RAB6B: variants seen among roughly 807,000 people sequenced by gnomAD.
The protein encoded by RAB6B is RAB6B, member RAS oncogene family.
In RAB6B, 7 loss-of-function variants were observed where a neutral mutation model predicts 31.2. The ratio of observed to expected loss-of-function variants is 0.22; its 90% CI spans 0.13 to 0.42. The LOEUF (loss-of-function observed/expected upper bound fraction) is 0.42. Ranked by LOEUF, RAB6B falls within the 10% of genes least tolerant of loss-of-function variation. The pLI is 1.00. For missense variants in RAB6B, 149 were observed against 280.6 expected (o/e 0.53, Z 3.35); for synonymous variants, 105 against 104.9 (o/e 1.00, Z -0.01).
chr3:133,857,860 T>C (rs1284735782), intron 2 of RAB6B, among the ~76,000 whole-genome samples: 1 of 152,172 alleles, frequency 6.6e-6, no homozygotes, highest in Non-Finnish European at 1.5e-5. Context: ...AGACACACTG[T>C]TCGTTGGCCC....
At chr3:133,834,476 G>A in intron 7 of RAB6B, 99 bp downstream of exon 7, 1 of 1,319,154 alleles carries the variant, frequency 7.6e-7, no homozygotes, top group Non-Finnish European at 1.1e-6. Flanking sequence ...GGGAAGGCTG[G>A]GCGGGGACTG....
chr3:133,882,431 AG>A (rs780467160), intron 1 of RAB6B, among the ~76,000 whole-genome samples: 12 of 152,188 alleles, frequency 7.9e-5, no homozygotes, highest in Non-Finnish European at 1.8e-4. Context: ...GGGTCACCTT[AG>A]GTTGTGTCTA....
chr3:133,834,487 G>A (rs901542927), intron 7 of RAB6B, 88 bp downstream of exon 7: 7 of 1,407,470 alleles, frequency 5.0e-6, no homozygotes, highest in Non-Finnish European at 7.0e-6. Context: ...GCGGGGACTG[G>A]GCGAGTGTCT....
intron 1 of RAB6B, among the ~76,000 whole-genome samples, chr3:133,884,176 C>T (rs961463203): frequency 6.6e-6 from 1 of 152,212 alleles, no homozygotes; most frequent in Non-Finnish European, 1.5e-5. Flanking sequence ...CAAAGGAATA[C>T]CAAGGTGGTG....
intron 1 of RAB6B, among the ~76,000 whole-genome samples, chr3:133,872,042 C>T (rs1480648747): frequency 1.3e-5 from 2 of 152,192 alleles, no homozygotes; most frequent in African/African-American, 4.8e-5. Context: ...CTGCCCACCT[C>T]TCAGATGCCT....
intron 1 of RAB6B, among the ~76,000 whole-genome samples, chr3:133,879,876 T>C (rs553525666): frequency 6.6e-6 from 1 of 152,298 alleles, no homozygotes; most frequent in South Asian, 2.1e-4. Context: ...TTCTCATAGC[T>C]CAGAGAACAA....
rs75876017 is a variant in RAB6B at position 133,825,008 on chromosome 3, A to G, written c.*3780T>C. ...AAAAGTTGTGACAGCTCTGCTTCAC[A>G]TAGCTGTAACAAGGTGACAATGCCT... On this transcript the variant is annotated 3_prime_UTR_variant, in exon 8 of 8. Coordinates refer to ENST00000285208, the MANE Select transcript of RAB6B (RefSeq NM_016577.4). 2.6e-5 allele frequency: 4 copies of G among 152,196 alleles called. No individual in the cohort carries two copies. Among genetic ancestry groups the G allele is most frequent in the Non-Finnish European group, 5.9e-5 (4 of 68,028 alleles). 9.4% of individuals were successfully genotyped at this position (152,196 alleles called of 1,614,324 possible).
intron 1 of RAB6B, among the ~76,000 whole-genome samples, chr3:133,876,077 C>A (rs1371522281): frequency 6.6e-6 from 1 of 152,140 alleles, no homozygotes; most frequent in Admixed American, 6.5e-5. Context: ...TCTGAATACC[C>A]CTACTGTGTT....
chr3:133,827,626 C>T lies in RAB6B; in HGVS notation c.*1162G>A, dbSNP rs531268431. 297 of 484,182 alleles carry T rather than the reference C, an allele frequency of 6.1e-4. No individual in the cohort carries two copies. Among genetic ancestry groups the T allele is most frequent in the South Asian group, 9.9e-4 (36 of 36,242 alleles). 30.0% of individuals were successfully genotyped at this position (484,182 alleles called of 1,614,324 possible). A position where few individuals can be genotyped will look rare whatever the true frequency, so the allele number is the denominator to read the frequency against. On this transcript the variant is annotated 3_prime_UTR_variant, in exon 8 of 8. Coordinates refer to ENST00000285208, the MANE Select transcript of RAB6B (RefSeq NM_016577.4). ...GATATGTCCACAAAGACTTCAACTGCGCCATGCCACTGGGGTGAAAACATA... is the reference window on the plus strand; with the variant it reads ...GATATGTCCACAAAGACTTCAACTGTGCCATGCCACTGGGGTGAAAACATA...
At chr3:133,841,237 C>T (rs1335227374) in intron 4 of RAB6B, 48 bp downstream of exon 4, 1 of 1,593,060 alleles carries the variant, frequency 6.3e-7, no homozygotes, top group Middle Eastern at 1.7e-4. Context: ...CACCTGGGCC[C>T]TGGACCCCCT....
At chr3:133,853,887 T>C (rs926986565) in intron 2 of RAB6B, among the ~76,000 whole-genome samples, 2 of 151,998 alleles carry the variant, frequency 1.3e-5, no homozygotes, top group African/African-American at 4.8e-5. Flanking sequence ...GACCTAGAGG[T>C]TTAAGAGAAG....
Position 133,895,625 on chromosome 3 carries a change from G to C in RAB6B, c.-159C>G. On this transcript the variant is annotated 5_prime_UTR_variant, in exon 1 of 8. Coordinates refer to ENST00000285208, the MANE Select transcript of RAB6B (RefSeq NM_016577.4). ...GACTCCCCAGCTGCGTCCCGGTCCC[G>C]GCCTGCGGCTGCGTGTCCGGCGGCG... is the stretch of plus-strand genomic sequence containing the variant. 1.5e-6 allele frequency: 1 copy of C among 666,386 alleles called. No homozygotes were observed. Among genetic ancestry groups the C allele is most frequent in the South Asian group, 1.9e-5 (1 of 52,550 alleles). The allele number at this position is 666,386 out of a possible 1,614,324, so 41.3% of individuals were successfully genotyped here.
chr3:133,835,896 A>G (rs886836901), intron 6 of RAB6B, among the ~76,000 whole-genome samples: 10 of 152,170 alleles, frequency 6.6e-5, no homozygotes, highest in Admixed American at 5.2e-4. Context: ...CCCAGCCTCC[A>G]GAGCTGTAAG....
intron 2 of RAB6B, among the ~76,000 whole-genome samples, chr3:133,855,233 G>C (rs1357623060): frequency 1.3e-5 from 2 of 152,264 alleles, no homozygotes; most frequent in Non-Finnish European, 2.9e-5. Context: ...GGAGAGATGA[G>C]ACAGCAGTCT....
intron 2 of RAB6B, among the ~76,000 whole-genome samples, chr3:133,850,668 T>G (rs965209974): frequency 1.3e-5 from 2 of 152,080 alleles, no homozygotes; most frequent in Admixed American, 1.3e-4. Flanking sequence ...CAGAGCCTCA[T>G]ACAGCTTAAC....
intron 2 of RAB6B, among the ~76,000 whole-genome samples, chr3:133,863,625 CAGT>C (rs919314078): frequency 2.6e-5 from 4 of 152,130 alleles, no homozygotes; most frequent in African/African-American, 4.8e-5. Context: ...TGCAGCACAG[CAGT>C]AGATTTACTT....
At chr3:133,894,173 A>G (rs575635678) in intron 1 of RAB6B, among the ~76,000 whole-genome samples, 1 of 152,306 alleles carries the variant, frequency 6.6e-6, no homozygotes, top group African/African-American at 2.4e-5. Context: ...TCAGAGAGGC[A>G]CCAACCCAGG....
intron 7 of RAB6B, among the ~76,000 whole-genome samples, chr3:133,832,475 G>A (rs1935668583): frequency 6.6e-6 from 1 of 152,214 alleles, no homozygotes; most frequent in Non-Finnish European, 1.5e-5. Context: ...GGTGTGAACA[G>A]TTTATACAGC....
At chr3:133,832,123 CTCTT>C (rs1415498588) in intron 7 of RAB6B, among the ~76,000 whole-genome samples, 6 of 152,186 alleles carry the variant, frequency 3.9e-5, no homozygotes, top group Non-Finnish European at 8.8e-5. Context: ...CACACTACTG[CTCTT>C]TCTTTGCGTA....
Sources: gnomAD v4.1 joint callset for allele counts (sites outside exome capture counted in the v4.1 genomes callset) on GRCh38, gnomAD v4.1.1 for gene constraint, MANE v1.5 for transcripts, NCBI Gene and HGNC (gene_info 2026-07-23, HGNC 2026-07-21) for gene names.